The following C8orf34 variants were observed in gnomAD, a reference collection of about 807,000 sequenced individuals.
The protein encoded by C8orf34 is chromosome 8 open reading frame 34.
Under a neutral mutation model 68.3 loss-of-function variants are expected in C8orf34, and 65 were observed. That is an observed-to-expected ratio of 0.95 (90% CI 0.78 to 1.17). The LOEUF is 1.17. Among genes scored for constraint, C8orf34 ranks in the 50% most tolerant of loss-of-function variants. The pLI is 0.00. For synonymous variants in C8orf34, 244 were observed against 241.2 expected, an observed-to-expected ratio of 1.01 and a Z score of -0.11; for missense variants, 664 against 655.4, an observed-to-expected ratio of 1.01 and a Z score of -0.14.
At chr8:68,344,055 T>A (rs1387756934) in intron 1 of C8orf34, among the ~76,000 whole-genome samples, 1 of 152,176 alleles carries the variant, frequency 6.6e-6, no homozygotes, top group Non-Finnish European at 1.5e-5. Context: ...AATATCAGTG[T>A]TCATACTCCT....
intron 6 of C8orf34, among the ~76,000 whole-genome samples, chr8:68,532,380 G>C (rs1186468887): frequency 1.3e-5 from 2 of 152,136 alleles, no homozygotes; most frequent in African/African-American, 2.4e-5. Flanking sequence ...TAATAAAACA[G>C]TCTGCTGAAT....
intron 2 of C8orf34, among the ~76,000 whole-genome samples, chr8:68,443,627 C>G (rs934199851): frequency 6.6e-6 from 1 of 151,714 alleles, no homozygotes; most frequent in Non-Finnish European, 1.5e-5. Context: ...AGGATGGTCT[C>G]GATCTCTTGA....
At chr8:68,739,332 G>C (rs138602909) in intron 10 of C8orf34, among the ~76,000 whole-genome samples, 1 of 151,750 alleles carries the variant, frequency 6.6e-6, no homozygotes, top group African/African-American at 2.4e-5. Context: ...CACAGCCAAC[G>C]TCATACCAAA....
chr8:68,719,416 A>G (rs1415121668), intron 9 of C8orf34, among the ~76,000 whole-genome samples: 2 of 152,060 alleles, frequency 1.3e-5, no homozygotes, highest in Admixed American at 6.6e-5. Flanking sequence ...TAAATCATAC[A>G]AAGTTACTAA....
At chr8:68,501,970 T>G (rs1789645399) in intron 5 of C8orf34, among the ~76,000 whole-genome samples, 1 of 152,326 alleles carries the variant, frequency 6.6e-6, no homozygotes, top group South Asian at 2.1e-4. Context: ...AAAAAAAAGA[T>G]ATTTCTTAGT....
chr8:68,705,435 GA>G (rs749494475), intron 8 of C8orf34, among the ~76,000 whole-genome samples: 2 of 152,094 alleles, frequency 1.3e-5, no homozygotes, highest in Non-Finnish European at 2.9e-5. Context: ...GGCCACAGAA[GA>G]AAAGCAATGA....
intron 10 of C8orf34, among the ~76,000 whole-genome samples, chr8:68,773,199 G>GCA (rs1823403782): frequency 6.6e-6 from 1 of 152,026 alleles, no homozygotes; most frequent in South Asian, 2.1e-4. Context: ...CATTTCACTG[G>GCA]TCTGGTGTTG....
chr8:68,384,833 A>C (rs1808192521), intron 1 of C8orf34, among the ~76,000 whole-genome samples: 1 of 152,236 alleles, frequency 6.6e-6, no homozygotes, highest in Non-Finnish European at 1.5e-5. Context: ...TGATGGAACC[A>C]AGCTCATGGT....
intron 8 of C8orf34, among the ~76,000 whole-genome samples, chr8:68,696,900 C>T (rs1820850407): frequency 6.6e-6 from 1 of 151,986 alleles, no homozygotes; most frequent in East Asian, 1.9e-4. Flanking sequence ...CTCTTTTCCC[C>T]TCTAATTTTG....
chr8:68,625,373 C>A, intron 7 of C8orf34: 1 of 449,048 alleles, frequency 2.2e-6, no homozygotes, highest in Non-Finnish European at 3.9e-6. Flanking sequence ...AAATATGTAT[C>A]TAATGTGGGA....
At chr8:68,551,232 T>G (rs992070174) in intron 7 of C8orf34, among the ~76,000 whole-genome samples, 1 of 152,026 alleles carries the variant, frequency 6.6e-6, no homozygotes, top group Non-Finnish European at 1.5e-5. Context: ...TTTTTTGTTT[T>G]GAAAGTTTTA....
intron 6 of C8orf34, among the ~76,000 whole-genome samples, chr8:68,526,335 A>G (rs1221565591): frequency 6.6e-6 from 1 of 152,124 alleles, no homozygotes; most frequent in Non-Finnish European, 1.5e-5. Flanking sequence ...GGACAGGTTG[A>G]AAGTTTTCTT....
At chr8:68,663,977 A>G (rs150713688) in intron 8 of C8orf34, among the ~76,000 whole-genome samples, 50 of 152,330 alleles carry the variant, frequency 3.3e-4, no homozygotes, top group African/African-American at 1.2e-3. Flanking sequence ...TGTAATGTGA[A>G]TTTTAGGCTT....
intron 9 of C8orf34, among the ~76,000 whole-genome samples, chr8:68,709,707 C>T (rs1234047676): frequency 1.3e-5 from 2 of 152,094 alleles, no homozygotes; most frequent in African/African-American, 2.4e-5. Flanking sequence ...TCTCACCCCT[C>T]TTTTGTTCAT....
chr8:68,540,495 T>G (rs1815657215), intron 7 of C8orf34, among the ~76,000 whole-genome samples: 1 of 152,054 alleles, frequency 6.6e-6, no homozygotes, highest in Admixed American at 6.6e-5. Flanking sequence ...TCTCATATGC[T>G]GTCATAGTTA....
At chr8:68,788,797 T>G (rs1823913215) in intron 12 of C8orf34, among the ~76,000 whole-genome samples, 1 of 151,918 alleles carries the variant, frequency 6.6e-6, no homozygotes, top group Admixed American at 6.6e-5. Context: ...AGGCGGAGGT[T>G]GCAGTAAGCC....
chr8:68,766,848 G>T (rs971653260), intron 10 of C8orf34, among the ~76,000 whole-genome samples: 1 of 152,136 alleles, frequency 6.6e-6, no homozygotes, highest in Non-Finnish European at 1.5e-5. Context: ...AAATGTATGG[G>T]TTAATTACTT....
Position 68,767,777 on chromosome 8 carries a change from C to G in C8orf34, c.1405-8622C>G, listed in dbSNP as rs1191938346. ...ACCTCAGTCTCCCAAGTAGCTGGGA[C>G]TACAGGTATGTGCCACCACACCTAG... On this transcript the variant is annotated intron_variant, in intron 10 of 13. Coordinates refer to ENST00000518698, the MANE Select transcript of C8orf34 (RefSeq NM_052958.4). 5.3e-5 allele frequency among the ~76,000 whole-genome samples: 8 copies of G among 152,200 alleles called. No homozygotes were observed. The East Asian group carries it at 1.5e-3, about 29-fold the overall frequency.
intron 1 of C8orf34, among the ~76,000 whole-genome samples, chr8:68,430,875 A>ATT (rs914170131): frequency 1.3e-5 from 2 of 151,930 alleles, no homozygotes; most frequent in Non-Finnish European, 2.9e-5. Context: ...TTCTCTAAAC[A>ATT]TTTTTTTTCC....
Sources: gnomAD v4.1 joint callset for allele counts (sites outside exome capture counted in the v4.1 genomes callset) on GRCh38, gnomAD v4.1.1 for gene constraint, MANE v1.5 for transcripts, NCBI Gene and HGNC (gene_info 2026-07-23, HGNC 2026-07-21) for gene names.